NXPE2: variants seen among roughly 807,000 people sequenced by gnomAD.
NXPE2 encodes NXPE family member 2.
Under a neutral mutation model 34.4 loss-of-function variants are expected in NXPE2, and 34 were observed. That is an observed-to-expected ratio of 0.99 (90% confidence interval 0.75 to 1.31). The LOEUF (loss-of-function observed/expected upper bound fraction) is 1.31, where lower values mean the gene tolerates loss of function less well. Ranked by LOEUF, NXPE2 falls within the 40% of genes most tolerant of loss-of-function variation. The pLI is 0.00. For synonymous variants in NXPE2, 235 were observed against 231.3 expected, an observed-to-expected ratio of 1.02 and a Z score of -0.15; for missense variants, 649 against 672.5, an observed-to-expected ratio of 0.97 and a Z score of 0.39.
At chr11:114,515,627 C>T in the NXPE2 span, among the ~76,000 whole-genome samples, 1 of 152,070 alleles carries the variant, frequency 6.6e-6, no homozygotes, top group East Asian at 1.9e-4. Context: ...GGAAACAGTG[C>T]CTAGCATTCG....
the NXPE2 span, among the ~76,000 whole-genome samples, chr11:114,489,517 G>A: frequency 1.3e-5 from 2 of 152,218 alleles, no homozygotes; most frequent in African/African-American, 2.4e-5. Flanking sequence ...CCATGATCAA[G>A]TGGGCTTCAT....
At chr11:114,775,670 T>TG in the NXPE2 span, among the ~76,000 whole-genome samples, 1 of 152,112 alleles carries the variant, frequency 6.6e-6, no homozygotes, top group Non-Finnish European at 1.5e-5. Flanking sequence ...TCCCTTCCTG[T>TG]GGGGGTTTTC....
chr11:114,686,349 A>G (rs910793685), intron 2 of NXPE2, among the ~76,000 whole-genome samples: 1 of 152,118 alleles, frequency 6.6e-6, no homozygotes, highest in Non-Finnish European at 1.5e-5. Flanking sequence ...GCTCTCACTT[A>G]TAAGTGAGAA....
chr11:114,495,116 C>A, the NXPE2 span, among the ~76,000 whole-genome samples: 1 of 152,158 alleles, frequency 6.6e-6, no homozygotes, highest in African/African-American at 2.4e-5. Flanking sequence ...AGGAGTGACA[C>A]AAGCACCTCT....
the NXPE2 span, among the ~76,000 whole-genome samples, chr11:114,539,304 G>C: frequency 8.5e-6 from 1 of 118,310 alleles, no homozygotes; most frequent in African/African-American, 3.1e-5. Flanking sequence ...GAGGGGGGAG[G>C]GATAGCATTA....
the NXPE2 span, among the ~76,000 whole-genome samples, chr11:114,802,855 A>G: frequency 6.6e-6 from 1 of 152,068 alleles, no homozygotes; most frequent in East Asian, 1.9e-4. Context: ...GATGTACTCA[A>G]CAATTATACT....
At chr11:114,757,623 T>A in the NXPE2 span, among the ~76,000 whole-genome samples, 1 of 152,182 alleles carries the variant, frequency 6.6e-6, no homozygotes, top group Admixed American at 6.5e-5. Context: ...AGCAATAACT[T>A]CCTATGATAA....
At chr11:114,534,943 A>C in the NXPE2 span, among the ~76,000 whole-genome samples, 1 of 152,122 alleles carries the variant, frequency 6.6e-6, no homozygotes, top group Non-Finnish European at 1.5e-5. Flanking sequence ...CCACTAAGAT[A>C]CTCCTAGAGA....
At chr11:114,725,993 A>ATATAT in the NXPE2 span, among the ~76,000 whole-genome samples, 1 of 127,392 alleles carries the variant, frequency 7.8e-6, no homozygotes, top group Non-Finnish European at 1.7e-5. Flanking sequence ...ATATATATAT[A>ATATAT]AAAAGAAAAA....
At chr11:114,762,218 T>C in the NXPE2 span, among the ~76,000 whole-genome samples, 1 of 152,032 alleles carries the variant, frequency 6.6e-6, no homozygotes, top group Admixed American at 6.6e-5. Flanking sequence ...TGGGCCTGGG[T>C]TGGGAAGTGG....
Position 114,685,057 on chromosome 11 carries a change from G to C in NXPE2, c.132+5295G>C, listed in dbSNP as rs141512368. ...GTCAAAAAGTGACAGAGAAGAGGAG[G>C]ATTATGTAGTAATTGGTGATAGTTG... On this transcript the variant is annotated intron_variant, in intron 2 of 5. Transcript: ENST00000389586. 7.3e-3 allele frequency among the ~76,000 whole-genome samples: 1,118 copies of C among 152,210 alleles called. 5 individuals carry two copies. The highest frequency in any genetic ancestry group is 0.06 in the South Asian group (287 of 4,822).
the NXPE2 span, among the ~76,000 whole-genome samples, chr11:114,602,186 T>C: frequency 9.3e-6 from 1 of 108,090 alleles, no homozygotes; most frequent in African/African-American, 3.8e-5. Context: ...CTATATACAT[T>C]ATATATAATA....
chr11:114,503,148 G>T, the NXPE2 span, among the ~76,000 whole-genome samples: 10 of 152,070 alleles, frequency 6.6e-5, no homozygotes, highest in Non-Finnish European at 1.0e-4. Context: ...TGCTATTTGG[G>T]GGTGTAAGTC....
At chr11:114,681,684 A>C (rs1950954376) in intron 2 of NXPE2, among the ~76,000 whole-genome samples, 1 of 152,116 alleles carries the variant, frequency 6.6e-6, no homozygotes, top group Non-Finnish European at 1.5e-5. Context: ...ATTATTACTG[A>C]TAACAGGCAT....
chr11:114,574,253 A>G, the NXPE2 span, among the ~76,000 whole-genome samples: 8 of 152,076 alleles, frequency 5.3e-5, no homozygotes, highest in African/African-American at 1.9e-4. Context: ...GCCTACATAA[A>G]AGTCTGAGAG....
At chr11:114,623,856 C>T in the NXPE2 span, among the ~76,000 whole-genome samples, 6 of 152,030 alleles carry the variant, frequency 3.9e-5, no homozygotes, top group Admixed American at 6.6e-5. Context: ...AGTGTTGCCT[C>T]GTGGTTAACA....
the NXPE2 span, among the ~76,000 whole-genome samples, chr11:114,590,079 T>G: frequency 6.6e-6 from 1 of 152,224 alleles, no homozygotes; most frequent in South Asian, 2.1e-4. Flanking sequence ...AAATGGATGG[T>G]GCTGCCTCAG....
At chr11:114,788,670 G>T in the NXPE2 span, among the ~76,000 whole-genome samples, 1 of 152,178 alleles carries the variant, frequency 6.6e-6, no homozygotes, top group East Asian at 1.9e-4. Flanking sequence ...CCCTTTGCCT[G>T]GAATGCCTGG....
At chr11:114,710,108 A>G (rs913346877), downstream of NXPE2, among the ~76,000 whole-genome samples, 4 of 152,146 alleles carry the variant, frequency 2.6e-5, no homozygotes, top group African/African-American at 9.6e-5. Flanking sequence ...TGGCAATAAC[A>G]GGGAAGTTCA....
Sources: gnomAD v4.1 joint callset for allele counts (sites outside exome capture counted in the v4.1 genomes callset) on GRCh38, gnomAD v4.1.1 for gene constraint, MANE v1.5 for transcripts, NCBI Gene and HGNC (gene_info 2026-07-23, HGNC 2026-07-21) for gene names.